The following SH3GL2 variants were observed in gnomAD, a reference collection of about 807,000 sequenced individuals.
SH3GL2 encodes SH3 domain containing GRB2 like 2, endophilin A1.
In SH3GL2, 24 loss-of-function variants were observed where a neutral mutation model predicts 46.0. The ratio of observed to expected loss-of-function variants is 0.52; its 90% CI spans 0.38 to 0.73. The LOEUF (loss-of-function observed/expected upper bound fraction) is 0.73, where lower values mean the gene tolerates loss of function less well. SH3GL2 is among the 30% of genes least tolerant of loss of function. The probability of loss-of-function intolerance (pLI) is 0.00; values close to 1 mark genes in which losing one functional copy is unlikely to be tolerated. For synonymous variants in SH3GL2, 196 were observed against 147.1 expected, an observed-to-expected ratio of 1.33 and a Z score of -2.40; for missense variants, 413 against 424.2, an observed-to-expected ratio of 0.97 and a Z score of 0.23.
Position 17,726,438 on chromosome 9 carries a change from T to C in SH3GL2, c.46-20628T>C, listed in dbSNP as rs1246637974. On this transcript the variant is annotated intron_variant, in intron 1 of 8. Coordinates refer to ENST00000380607, the MANE Select transcript of SH3GL2 (RefSeq NM_003026.5). ...TTTAAAGTGATGTGTTGATTTTTAT[T>C]CACAAGGAGTGATGCAAACAGTGTG... Among the ~76,000 whole-genome samples, 3 of 152,180 alleles carry C rather than the reference T, an allele frequency of 2.0e-5. No homozygotes were observed. The South Asian group carries it at 6.2e-4, about 32-fold the overall frequency.
At chr9:17,601,820 G>GA (rs2134564554) in intron 1 of SH3GL2, among the ~76,000 whole-genome samples, 1 of 152,282 alleles carries the variant, frequency 6.6e-6, no homozygotes, top group South Asian at 2.1e-4. Flanking sequence ...CACTGGGGAA[G>GA]AGAATCCTAT....
At chr9:17,688,555 G>A (rs926846912) in intron 1 of SH3GL2, among the ~76,000 whole-genome samples, 3 of 151,966 alleles carry the variant, frequency 2.0e-5, no homozygotes, top group East Asian at 3.9e-4. Context: ...AAAGGAACCA[G>A]GGCACCTCGG....
chr9:17,756,098 C>A (rs979846143), intron 2 of SH3GL2, among the ~76,000 whole-genome samples: 1 of 152,032 alleles, frequency 6.6e-6, no homozygotes, highest in Non-Finnish European at 1.5e-5. Context: ...CAAAAGCGTC[C>A]ATTGACAGCG....
chr9:17,765,305 T>G (rs1214803663), intron 3 of SH3GL2, among the ~76,000 whole-genome samples: 2 of 147,400 alleles, frequency 1.4e-5, no homozygotes, highest in Non-Finnish European at 3.0e-5. Context: ...TCGAGGGTAC[T>G]TTGGGAGTAC....
intron 1 of SH3GL2, among the ~76,000 whole-genome samples, chr9:17,633,254 C>T (rs1187990341): frequency 6.6e-6 from 1 of 152,128 alleles, no homozygotes; most frequent in Non-Finnish European, 1.5e-5. Context: ...AGTGTGGGTA[C>T]CTGCCCTTCT....
chr9:17,786,660 A>G, intron 4 of SH3GL2, 136 bp downstream of exon 4: 2 of 782,602 alleles, frequency 2.6e-6, no homozygotes, highest in Non-Finnish European at 4.2e-6. Context: ...CACATGGGCC[A>G]AAAATTTGTT....
chr9:17,674,472 G>A (rs1460243224), intron 1 of SH3GL2, among the ~76,000 whole-genome samples: 28 of 151,930 alleles, frequency 1.8e-4, no homozygotes, highest in Non-Finnish European at 4.4e-5. Context: ...TCACCATATC[G>A]CCCAGGCTGT....
intron 1 of SH3GL2, among the ~76,000 whole-genome samples, chr9:17,597,097 A>G (rs1818585329): frequency 1.3e-5 from 2 of 152,242 alleles, no homozygotes; most frequent in African/African-American, 4.8e-5. Flanking sequence ...AAGCTGAGAA[A>G]CAGTTGAGAC....
intron 2 of SH3GL2, among the ~76,000 whole-genome samples, chr9:17,759,117 C>T (rs1000607530): frequency 2.0e-5 from 3 of 152,140 alleles, no homozygotes. Context: ...CTAGCTTTCA[C>T]AGCCTTCCTT....
intron 1 of SH3GL2, among the ~76,000 whole-genome samples, chr9:17,594,746 G>A (rs1051607396): frequency 3.3e-5 from 5 of 152,124 alleles, no homozygotes; most frequent in Non-Finnish European, 7.4e-5. Context: ...CCTCTAGGGT[G>A]GGTATAAAGA....
intron 1 of SH3GL2, among the ~76,000 whole-genome samples, chr9:17,658,393 C>G (rs1820140288): frequency 6.6e-6 from 1 of 152,168 alleles, no homozygotes. Context: ...TTTCCTGCCT[C>G]CTTAGAATGT....
chr9:17,648,873 G>A (rs995844812), intron 1 of SH3GL2, among the ~76,000 whole-genome samples: 5 of 152,132 alleles, frequency 3.3e-5, no homozygotes, highest in East Asian at 1.9e-4. Flanking sequence ...TAGAAACAAA[G>A]TTCTGTAGAC....
chr9:17,667,232 CATT>C (rs1383122749), intron 1 of SH3GL2, among the ~76,000 whole-genome samples: 5 of 152,194 alleles, frequency 3.3e-5, no homozygotes, highest in South Asian at 2.1e-4. Flanking sequence ...CATACCATAA[CATT>C]AATCCTTTAA....
At chr9:17,587,109 G>A (rs1034797647) in intron 1 of SH3GL2, among the ~76,000 whole-genome samples, 1 of 152,200 alleles carries the variant, frequency 6.6e-6, no homozygotes, top group Non-Finnish European at 1.5e-5. Flanking sequence ...GGCTGAGGCA[G>A]GAGAATTGCT....
chr9:17,742,080 G>A (rs1822542379), intron 1 of SH3GL2, among the ~76,000 whole-genome samples: 1 of 152,186 alleles, frequency 6.6e-6, no homozygotes. Context: ...AAATTAAGAG[G>A]TAAATAAACT....
intron 3 of SH3GL2, among the ~76,000 whole-genome samples, chr9:17,775,708 A>C (rs1196551172): frequency 6.6e-6 from 1 of 152,188 alleles, no homozygotes; most frequent in African/African-American, 2.4e-5. Flanking sequence ...AGGTCACTAA[A>C]AGCAGTGAAA....
chr9:17,675,669 G>A (rs200140603), intron 1 of SH3GL2, among the ~76,000 whole-genome samples: 253 of 152,262 alleles, frequency 1.7e-3, no homozygotes, highest in African/African-American at 5.8e-3. Context: ...ATGCCAGGCC[G>A]GGTGCAGTGG....
intron 1 of SH3GL2, among the ~76,000 whole-genome samples, chr9:17,582,236 A>G (rs139643033): frequency 2.7e-3 from 415 of 152,020 alleles, no homozygotes; most frequent in African/African-American, 9.7e-3. Flanking sequence ...AATTTATTAG[A>G]GAAGAAAATC....
chr9:17,674,140 TGA>T lies in SH3GL2; in HGVS notation c.46-72922_46-72921del, dbSNP rs909511563. 2.6e-4 allele frequency among the ~76,000 whole-genome samples: 40 copies of T among 152,218 alleles called. 2 individuals carry two copies. The highest frequency in any genetic ancestry group is 4.4e-5 in the Non-Finnish European group (3 of 68,042). On this transcript the variant is annotated intron_variant, in intron 1 of 8. Coordinates refer to ENST00000380607, the MANE Select transcript of SH3GL2 (RefSeq NM_003026.5). ...CTTTGCCTTTTCTTTTTAATGCAAA[TGA>T]GAGTTAGTAACATGTTCTTTGTATT...
Sources: gnomAD v4.1 joint callset for allele counts (sites outside exome capture counted in the v4.1 genomes callset) on GRCh38, gnomAD v4.1.1 for gene constraint, MANE v1.5 for transcripts, NCBI Gene and HGNC (gene_info 2026-07-23, HGNC 2026-07-21) for gene names.